The following SNX25 variants were observed in gnomAD, a reference collection of about 807,000 sequenced individuals.
The protein encoded by SNX25 is sorting nexin 25, also known as sorting nexin-25.
SNX25 carries 62 observed loss-of-function variants against 113.7 expected under a neutral mutation model. The observed-to-expected ratio is 0.55, with a 90% CI of 0.44 to 0.67. The LOEUF (loss-of-function observed/expected upper bound fraction) is 0.67. Among genes scored for constraint, SNX25 ranks in the 30% least tolerant of loss-of-function variants. The pLI, the probability that SNX25 is intolerant of heterozygous loss-of-function variation, is 0.00. For synonymous variants in SNX25, 421 were observed against 436.2 expected (o/e 0.97, Z 0.43); for missense variants, 1,014 against 1,161.0 (o/e 0.87, Z 1.84).
chr4:185,231,260 G>A lies in SNX25; in HGVS notation c.430-16034G>A, dbSNP rs377024934. ...ACTACAGGCTCCCGCCACCACGCCC[G>A]GCTAATTTTTTTGTATTTTTAGTAG... On this transcript the variant is annotated intron_variant, in intron 1 of 18. Coordinates refer to ENST00000652585, the MANE Select transcript of SNX25 (RefSeq NM_001378034.2). Among the ~76,000 whole-genome samples the A allele has an allele frequency of 3.3e-5, 5 of 151,446 alleles. 1 individual carries two copies. The highest frequency in any genetic ancestry group is 1.2e-4 in the African/African-American group (5 of 41,352).
intron 6 of SNX25, among the ~76,000 whole-genome samples, chr4:185,303,530 G>A (rs1227232084): frequency 2.0e-5 from 3 of 151,960 alleles, no homozygotes; most frequent in Non-Finnish European, 4.4e-5. Context: ...GTGGTGGTGG[G>A]CACCTGTAGT....
chr4:185,363,761 A>C lies in SNX25; in HGVS notation c.*296A>C, dbSNP rs1579950110. On this transcript the variant is annotated 3_prime_UTR_variant, in exon 19 of 19. Transcript: ENST00000652585. The surrounding 1 kb of genome is among the most constrained non-coding windows in gnomAD (Gnocchi z 4.2). ...GGAAGTATTTTAAATATTTATGAAA[A>C]TATTTTGTTTTAAAATGAACTATGA... 4.3e-6 allele frequency: 1 copy of C among 234,840 alleles called. No individual in the cohort carries two copies. The highest frequency in any genetic ancestry group is 8.6e-5 in the East Asian group (1 of 11,570). The allele number at this position is 234,840 out of a possible 1,614,324, so 14.5% of individuals were successfully genotyped here.
At chr4:185,373,186 C>T (rs553240022), downstream of SNX25, 18 of 1,034,554 alleles carry the variant, frequency 1.7e-5, no homozygotes, top group African/African-American at 2.7e-4. Context: ...CACTATTAAT[C>T]ATCTCTAGGA....
chr4:185,372,527 C>T (rs2095419396), downstream of SNX25, among the ~76,000 whole-genome samples: 1 of 152,324 alleles, frequency 6.6e-6, no homozygotes, highest in Admixed American at 6.5e-5. Context: ...TACTTTCATC[C>T]AGTTTATTCA....
chr4:185,310,266 T>A (rs1001170858), intron 6 of SNX25, among the ~76,000 whole-genome samples: 6 of 152,236 alleles, frequency 3.9e-5, no homozygotes, highest in Non-Finnish European at 8.8e-5. Flanking sequence ...AAAGCCTAGC[T>A]GGTGTCTTGA....
At position 185,342,134 on chromosome 4, in the gene SNX25, C is replaced by T. The variant is rs766262538; in HGVS notation, c.2187+18C>T. Reference sequence around the variant, plus strand: ...TCAGTGAGGTATGAATACTCATGAACGCAGTATTCTAGAATTACTGCACAA... The same window carrying T: ...TCAGTGAGGTATGAATACTCATGAATGCAGTATTCTAGAATTACTGCACAA... On this transcript the variant is annotated intron_variant, in intron 12 of 18. Transcript: ENST00000652585. 47 of 1,542,318 alleles carry T rather than the reference C, an allele frequency of 3.0e-5. No individual in the cohort carries two copies. Among genetic ancestry groups the T allele is most frequent in the Middle Eastern group, 1.7e-4 (1 of 5,792 alleles).
intron 6 of SNX25, among the ~76,000 whole-genome samples, chr4:185,307,520 C>A (rs993806848): frequency 1.2e-4 from 19 of 152,146 alleles, no homozygotes; most frequent in African/African-American, 4.1e-4. Flanking sequence ...TTACCTCAGG[C>A]CTCTGATCAC....
chr4:185,212,496 T>C, intron 1 of SNX25, among the ~76,000 whole-genome samples: 1 of 142,818 alleles, frequency 7.0e-6, no homozygotes, highest in African/African-American at 2.5e-5. Context: ...TGTGTGTTTT[T>C]TTTTTTTTTT....
chr4:185,313,764 T>G (rs115731695), intron 7 of SNX25, among the ~76,000 whole-genome samples: 1 of 152,148 alleles, frequency 6.6e-6, no homozygotes, highest in Non-Finnish European at 1.5e-5. Context: ...AATTCACATA[T>G]AACTATGGAG....
intron 1 of SNX25, among the ~76,000 whole-genome samples, chr4:185,244,170 T>A (rs1744496449): frequency 6.6e-6 from 1 of 152,154 alleles, no homozygotes; most frequent in Non-Finnish European, 1.5e-5. Flanking sequence ...GCTAATTTTT[T>A]AAATTTTAGA....
In SNX25 at chr4:185,348,399, A is replaced by T. The variant is rs1053156077; in HGVS notation, c.2301+1749A>T. Among the ~76,000 whole-genome samples the T allele has an allele frequency of 2.0e-5, 3 of 149,148 alleles. No homozygotes were observed. The East Asian group carries it at 5.9e-4, about 29-fold the overall frequency. On this transcript the variant is annotated intron_variant, in intron 13 of 18. Transcript: ENST00000652585. ...TTTGATACATGTATATCATTTCTTT[A>T]TTTTTTTTTTTGAGACAGACTCTTG... is the stretch of plus-strand genomic sequence containing the variant.
intron 11 of SNX25, among the ~76,000 whole-genome samples, chr4:185,369,227 C>CTTTTTT (rs35543353): frequency 6.9e-5 from 7 of 100,924 alleles, no homozygotes; most frequent in South Asian, 3.3e-4. Flanking sequence ...ATACAGAGAG[C>CTTTTTT]TTTTTTTTTT....
chr4:185,374,055 C>A (rs977252088), downstream of SNX25: 3 of 1,151,446 alleles, frequency 2.6e-6, no homozygotes, highest in Non-Finnish European at 3.8e-6. Context: ...AACGACATTC[C>A]CCACCATTTT....
chr4:185,363,706 G>A lies in SNX25; in HGVS notation c.*241G>A, dbSNP rs2095376581. 2.8e-6 allele frequency: 1 copy of A among 351,828 alleles called. No homozygotes were observed. Among genetic ancestry groups the A allele is most frequent in the African/African-American group, 2.1e-5 (1 of 48,490 alleles). 21.8% of individuals were successfully genotyped at this position (351,828 alleles called of 1,614,324 possible). ...TACTTTAAAGATCAACATACCGATT[G>A]AAATACAAATGTTAATATGTGAGAA... On this transcript the variant is annotated 3_prime_UTR_variant, in exon 19 of 19. Coordinates refer to ENST00000652585, the MANE Select transcript of SNX25 (RefSeq NM_001378034.2). The surrounding 1 kb of genome is among the most constrained non-coding windows in gnomAD (Gnocchi z 4.2).
chr4:185,328,597 AG>A (rs1376584348), intron 9 of SNX25, among the ~76,000 whole-genome samples: 1 of 152,200 alleles, frequency 6.6e-6, no homozygotes, highest in African/African-American at 2.4e-5. Flanking sequence ...ATCAGGGGTG[AG>A]GGTGGAGGTT....
downstream of SNX25, among the ~76,000 whole-genome samples, chr4:185,371,528 C>T (rs939693953): frequency 1.7e-4 from 20 of 117,352 alleles, no homozygotes; most frequent in African/African-American, 5.1e-4. Flanking sequence ...GGCAACAGAG[C>T]GAGACTCCGT....
intron 15 of SNX25, among the ~76,000 whole-genome samples, chr4:185,355,604 A>C (rs916359003): frequency 6.6e-6 from 1 of 152,270 alleles, no homozygotes; most frequent in Non-Finnish European, 1.5e-5. Context: ...TAGAAATGGA[A>C]GATAACTTAT....
Position 185,224,571 on chromosome 4 carries a change from GTATATAAATA to G in SNX25, c.429+14331_429+14340del, listed in dbSNP as rs1392907760. ...TACATATATATAAATATATATAAGTGTATATAAATATATATAAATATATAAATATGTAAAT... is the reference window on the plus strand; with the variant it reads ...TACATATATATAAATATATATAAGTGTATATAAATATATAAATATGTAAAT... On this transcript the variant is annotated intron_variant, in intron 1 of 18. Coordinates refer to ENST00000652585, the MANE Select transcript of SNX25 (RefSeq NM_001378034.2). 5.5e-4 allele frequency among the ~76,000 whole-genome samples: 31 copies of G among 55,980 alleles called. No homozygotes were observed. In the East Asian group the frequency reaches 0.034, roughly 62 times the overall value. 36.7% of individuals were successfully genotyped at this position (55,980 alleles called of 152,430 possible). A position where few individuals can be genotyped will look rare whatever the true frequency, so the allele number is the denominator to read the frequency against.
chr4:185,372,426 C>G (rs150982862), downstream of SNX25, among the ~76,000 whole-genome samples: 4 of 152,364 alleles, frequency 2.6e-5, no homozygotes, highest in African/African-American at 9.6e-5. Context: ...GCATTAGACA[C>G]ATTTCAAGTG....
Sources: allele counts gnomAD v4.1 joint callset (sites outside exome capture counted in the v4.1 genomes callset), GRCh38; gene constraint gnomAD v4.1.1; non-coding constraint Gnocchi (gnomAD v3.1); transcripts MANE v1.5; gene names NCBI Gene and HGNC (gene_info 2026-07-23, HGNC 2026-07-21).